UBE3A: variants seen among roughly 807,000 people sequenced by gnomAD.
The protein encoded by UBE3A is ubiquitin protein ligase E3A.
UBE3A carries 6 observed loss-of-function variants against 83.4 expected under a neutral mutation model. The observed-to-expected ratio is 0.07, with a 90% CI of 0.04 to 0.14. UBE3A has a LOEUF of 0.14. Among genes scored for constraint, UBE3A ranks in the 10% least tolerant of loss-of-function variants. The pLI is 1.00. For synonymous variants in UBE3A, 337 were observed against 355.4 expected (o/e 0.95, Z 0.58); for missense variants, 456 against 1,036.1 (o/e 0.44, Z 7.69).
rs559637259 is a variant in UBE3A, at chr15:25,336,432, T to C, written c.*2705A>G. 9.2e-5 allele frequency: 14 copies of C among 152,216 alleles called. No homozygotes were observed. The highest frequency in any genetic ancestry group is 1.9e-4 in the Non-Finnish European group (13 of 68,048). The allele number at this position is 152,216 out of a possible 1,614,324, so 9.4% of individuals were successfully genotyped here. A position where few individuals can be genotyped will look rare whatever the true frequency, so the allele number is the denominator to read the frequency against. ...AATCTCAGAATGGTCATGTTTTTAA[T>C]GGGAATAGGGAGTGATGCTGCCCCA... is the stretch of plus-strand genomic sequence containing the variant. On this transcript the variant is annotated 3_prime_UTR_variant, in exon 13 of 13. Transcript: ENST00000648336.
intron 4 of UBE3A, among the ~76,000 whole-genome samples, chr15:25,387,646 T>C (rs1199465255): frequency 1.3e-5 from 2 of 152,108 alleles, no homozygotes; most frequent in South Asian, 2.1e-4. Flanking sequence ...ATCAATGAAA[T>C]TGAAAACAAG....
intron 1 of UBE3A, among the ~76,000 whole-genome samples, chr15:25,437,463 T>A (rs1324380318): frequency 1.3e-5 from 2 of 152,210 alleles, no homozygotes; most frequent in Admixed American, 1.3e-4. Context: ...CAAAAAAAAC[T>A]GTAATAATTT....
At chr15:25,422,751 G>A (rs1439492306) in intron 1 of UBE3A, among the ~76,000 whole-genome samples, 2 of 149,232 alleles carry the variant, frequency 1.3e-5, no homozygotes, top group Non-Finnish European at 3.0e-5. Context: ...GAGGTGGGAG[G>A]ATAGCTTGAG....
chr15:25,347,415 T>C (rs967265240), intron 11 of UBE3A, among the ~76,000 whole-genome samples: 14 of 152,046 alleles, frequency 9.2e-5, no homozygotes, highest in African/African-American at 2.9e-4. Context: ...AAAAAACACA[T>C]AGAAGGCCAG....
rs1457272684 is a variant in UBE3A, at chr15:25,338,178, T to G, written c.*959A>C. On this transcript the variant is annotated 3_prime_UTR_variant, in exon 13 of 13. Coordinates refer to ENST00000648336, the MANE Select transcript of UBE3A (RefSeq NM_130839.5). Reference sequence around the variant, plus strand: ...TAAAATCTAGGTAATAAGTAAGTAATTAATAAAAACTCTATCTTAAGTGCA... The same window carrying G: ...TAAAATCTAGGTAATAAGTAAGTAAGTAATAAAAACTCTATCTTAAGTGCA... The G allele has an allele frequency of 6.6e-6, 1 of 152,080 alleles. No homozygotes were observed. Among genetic ancestry groups the G allele is most frequent in the African/African-American group, 2.4e-5 (1 of 41,426 alleles). 9.4% of individuals were successfully genotyped at this position (152,080 alleles called of 1,614,324 possible). A position where few individuals can be genotyped will look rare whatever the true frequency, so the allele number is the denominator to read the frequency against.
Position 25,375,457 on chromosome 15 carries a change from C to T in UBE3A, c.361+8G>A. On this transcript the variant is annotated splice_region_variant and intron_variant, in intron 5 of 12. Coordinates refer to ENST00000648336, the MANE Select transcript of UBE3A (RefSeq NM_130839.5). ...CAACAATTCTCAATTGAAAATAAAA[C>T]ATCTTACCTTTAAAATCAATTCTAG... 2 of 1,613,508 alleles carry T rather than the reference C, an allele frequency of 1.2e-6. No individual in the cohort carries two copies. Among genetic ancestry groups the T allele is most frequent in the Non-Finnish European group, 1.7e-6 (2 of 1,179,818 alleles).
chr15:25,424,685 A>G (rs1890814397), intron 1 of UBE3A, among the ~76,000 whole-genome samples: 1 of 152,218 alleles, frequency 6.6e-6, no homozygotes, highest in African/African-American at 2.4e-5. Context: ...AAAAAATTAT[A>G]TGAAACACAA....
chr15:25,430,043 ATATATATT>A (rs1192365603), intron 1 of UBE3A, among the ~76,000 whole-genome samples: 6 of 112,814 alleles, frequency 5.3e-5, no homozygotes, highest in Non-Finnish European at 1.0e-4. Flanking sequence ...ATATATATAT[ATATATATT>A]TATATGTATT....
intron 5 of UBE3A, chr15:25,375,225 A>T (rs2081010970): frequency 1.4e-5 from 7 of 499,068 alleles, no homozygotes; most frequent in Admixed American, 1.1e-4. Context: ...TAAGAATTTT[A>T]AAAAGTTCAA....
chr15:25,411,133 CTGTT>C (rs1231351401), intron 2 of UBE3A, among the ~76,000 whole-genome samples: 1 of 152,188 alleles, frequency 6.6e-6, no homozygotes, highest in African/African-American at 2.4e-5. Flanking sequence ...ACTTATGTCT[CTGTT>C]TGGTCATTCA....
Position 25,334,707 on chromosome 15 carries a change from T to C in UBE3A, c.*4430A>G, listed in dbSNP as rs943829021. On this transcript the variant is annotated 3_prime_UTR_variant, in exon 13 of 13. Transcript: ENST00000648336. ...CGGTGCTGGTATAACGACAGACATA[T>C]AGGGCAATGGAGTAAGACTGAGAAT... is the stretch of plus-strand genomic sequence containing the variant. The C allele has an allele frequency of 2.0e-5, 3 of 151,960 alleles. No homozygotes were observed. In the East Asian group the frequency reaches 5.8e-4, roughly 29 times the overall value. The allele number at this position is 151,960 out of a possible 1,614,324, so 9.4% of individuals were successfully genotyped here.
At chr15:25,354,323 A>G (rs780063328) in intron 11 of UBE3A, 30 bp downstream of exon 11, 1 of 1,607,180 alleles carries the variant, frequency 6.2e-7, no homozygotes, top group Admixed American at 1.7e-5. Flanking sequence ...TGGTGAATCA[A>G]ATCTTCCTCT....
rs1014348489 is a variant in UBE3A, at chr15:25,396,594, G to T, written c.62+8867C>A. Among the ~76,000 whole-genome samples, 16 of 152,254 alleles carry T rather than the reference G, an allele frequency of 1.1e-4. 1 individual carries two copies. Among genetic ancestry groups the T allele is most frequent in the African/African-American group, 3.9e-4 (16 of 41,542 alleles). ...GCTCTGATCACACCACTGCACTCTA[G>T]CTGTATCACTTATGACAGAGCAAGA... On this transcript the variant is annotated intron_variant, in intron 4 of 12. Coordinates refer to ENST00000648336, the MANE Select transcript of UBE3A (RefSeq NM_130839.5).
intron 2 of UBE3A, 146 bp from the exon 3 acceptor site, chr15:25,409,353 T>C (rs1452985713): frequency 5.0e-6 from 2 of 399,316 alleles, no homozygotes; most frequent in Non-Finnish European, 9.0e-6. Flanking sequence ...TTTTAAGGAC[T>C]ATTTTCCAGC....
Position 25,435,086 on chromosome 15 carries a change from T to C in UBE3A, c.-165+3403A>G, listed in dbSNP as rs549744381. 3.4e-5 allele frequency among the ~76,000 whole-genome samples: 5 copies of C among 149,056 alleles called. No individual in the cohort carries two copies. The South Asian group carries it at 1.1e-3, about 32-fold the overall frequency. ...TGGGACCAAGGAATGAAGTAATGCATGTGCCAGAGGGTTGAACTTTTTAAA... is the reference window on the plus strand; with the variant it reads ...TGGGACCAAGGAATGAAGTAATGCACGTGCCAGAGGGTTGAACTTTTTAAA... On this transcript the variant is annotated intron_variant, in intron 1 of 12. Transcript: ENST00000648336.
At chr15:25,380,455 C>A (rs2081986772) in intron 4 of UBE3A, among the ~76,000 whole-genome samples, 2 of 152,208 alleles carry the variant, frequency 1.3e-5, no homozygotes, top group Non-Finnish European at 2.9e-5. Context: ...CCTCCAGTGA[C>A]CCTGCCATCT....
intron 4 of UBE3A, among the ~76,000 whole-genome samples, chr15:25,401,340 C>T (rs1041531373): frequency 6.6e-6 from 1 of 152,146 alleles, no homozygotes; most frequent in Non-Finnish European, 1.5e-5. Flanking sequence ...AAATTACTCC[C>T]TCTTCTTAAA....
intron 11 of UBE3A, 152 bp downstream of exon 11, chr15:25,354,201 G>A: frequency 1.4e-6 from 1 of 698,788 alleles, no homozygotes. Context: ...TCTGAAAAAT[G>A]GTGATTATAT....
At chr15:25,428,428 T>G (rs1349128630) in intron 1 of UBE3A, among the ~76,000 whole-genome samples, 1 of 152,282 alleles carries the variant, frequency 6.6e-6, no homozygotes, top group South Asian at 2.1e-4. Flanking sequence ...ACATGATTTT[T>G]ACATCAAAAA....
Sources: gnomAD v4.1 joint callset for allele counts (sites outside exome capture counted in the v4.1 genomes callset) on GRCh38, gnomAD v4.1.1 for gene constraint, MANE v1.5 for transcripts, NCBI Gene and HGNC (gene_info 2026-07-23, HGNC 2026-07-21) for gene names.